The following RPS14 variants were observed in gnomAD, a reference collection of about 807,000 sequenced individuals.
RPS14 encodes small ribosomal subunit protein uS11.
Under a neutral mutation model 15.4 loss-of-function variants are expected in RPS14, and 1 was observed. The observed-to-expected ratio is 0.07, with a 90% confidence interval of 0.02 to 0.31. The LOEUF (loss-of-function observed/expected upper bound fraction) is 0.31. Ranked by LOEUF, RPS14 falls within the 10% of genes least tolerant of loss-of-function variation. RPS14 has a pLI of 1.00. For missense variants in RPS14, 69 were observed against 205.5 expected, an observed-to-expected ratio of 0.34 and a Z score of 4.06; for synonymous variants, 68 against 74.4, an observed-to-expected ratio of 0.91 and a Z score of 0.44.
intron 1 of RPS14, 175 bp from the exon 2 acceptor site, chr5:150,447,910 G>GT: frequency 1.5e-6 from 1 of 683,356 alleles, no homozygotes; most frequent in Non-Finnish European, 2.4e-6. Context: ...CTTGCACTTG[G>GT]GGGGGTATCA....
intron 1 of RPS14, chr5:150,449,366 G>A (rs1038797097): frequency 6.6e-6 from 1 of 152,214 alleles, no homozygotes; most frequent in African/African-American, 2.4e-5. Flanking sequence ...GTTTGGCGAG[G>A]TAGAGGCGGG....
At position 150,446,595 on chromosome 5, in the gene RPS14, G is replaced by C. The variant is rs995890656; in HGVS notation, c.311+207C>G. ...TCTGTTTCCCCATCACTCTCTTCTA[G>C]TACCTGAAACACAGCTCCTAGTATA... On this transcript the variant is annotated intron_variant, in intron 3 of 4. Transcript: ENST00000407193. This position sits in a 1 kb window ranked among gnomAD's most constrained non-coding sequence, Gnocchi z 4.2. Among the ~76,000 whole-genome samples, 8 of 152,168 alleles carry C rather than the reference G, an allele frequency of 5.3e-5. No individual in the cohort carries two copies. The highest frequency in any genetic ancestry group is 1.2e-4 in the Non-Finnish European group (8 of 68,032).
Position 150,443,173 on chromosome 5 carries a change from T to C in RPS14, c.*1113A>G, listed in dbSNP as rs1308337803. Reference sequence around the variant, plus strand: ...ATTTTTTTTGCAAGCTTTTTTTTTTTATTATACTTTAAGTTTTAGGGTACA... The same window carrying C: ...ATTTTTTTTGCAAGCTTTTTTTTTTCATTATACTTTAAGTTTTAGGGTACA... On this transcript the variant is annotated 3_prime_UTR_variant, in exon 5 of 5. Coordinates refer to ENST00000407193, the MANE Select transcript of RPS14 (RefSeq NM_005617.4). 1.6e-5 allele frequency: 2 copies of C among 125,382 alleles called. No homozygotes were observed. Among genetic ancestry groups the C allele is most frequent in the African/African-American group, 2.6e-5 (1 of 38,180 alleles). The allele number at this position is 125,382 out of a possible 1,614,324, so 7.8% of individuals were successfully genotyped here.
At chr5:150,447,941 T>G in intron 1 of RPS14, 1 of 555,370 alleles carries the variant, frequency 1.8e-6, no homozygotes, top group Non-Finnish European at 3.2e-6. Context: ...CATGGCAAAG[T>G]ACCATGAGAA....
At chr5:150,447,378 C>T (rs1771132067) in intron 2 of RPS14, 5 of 598,326 alleles carry the variant, frequency 8.4e-6, no homozygotes, top group Non-Finnish European at 1.5e-5. Context: ...GATTCAATGA[C>T]CATCACGCTG....
chr5:150,446,800 A>G lies in RPS14; in HGVS notation c.311+2T>C. The G allele has an allele frequency of 6.2e-7, 1 of 1,613,576 alleles. No individual in the cohort carries two copies. Among genetic ancestry groups the G allele is most frequent in the Non-Finnish European group, 8.5e-7 (1 of 1,179,728 alleles). ...CCCAGCCATCCCCTCTGCGACTCGT[A>G]CCTATTTCCTCCTGTGGCCCGGAGT... On this transcript the variant is annotated splice_donor_variant, in intron 3 of 4. Coordinates refer to ENST00000407193, the MANE Select transcript of RPS14 (RefSeq NM_005617.4). LOFTEE classifies it high-confidence loss of function. The surrounding 1 kb of genome is among the most constrained non-coding windows in gnomAD (Gnocchi z 4.2).
rs1771014995 is a variant in RPS14 at position 150,443,970 on chromosome 5, C to G, written c.*316G>C. ...GGCTCCTCTTTCGCTTCAGGCTACA[C>G]TTGGATCAACAGTTCCCACTCTGGC... is the stretch of plus-strand genomic sequence containing the variant. On this transcript the variant is annotated 3_prime_UTR_variant, in exon 5 of 5. Transcript: ENST00000407193. The G allele has an allele frequency of 5.2e-6, 1 of 193,418 alleles. No individual in the cohort carries two copies. The highest frequency in any genetic ancestry group is 1.1e-5 in the Non-Finnish European group (1 of 93,764). The allele number at this position is 193,418 out of a possible 1,614,324, so 12.0% of individuals were successfully genotyped here.
At position 150,446,728 on chromosome 5, in the gene RPS14, C is replaced by T. The variant is rs1771110114; in HGVS notation, c.311+74G>A. 1.3e-6 allele frequency: 2 copies of T among 1,531,020 alleles called. No individual in the cohort carries two copies. Among genetic ancestry groups the T allele is most frequent in the Admixed American group, 2.0e-5 (1 of 50,782 alleles). The allele number at this position is 1,531,020 out of a possible 1,614,324, so 94.8% of individuals were successfully genotyped here. Reference sequence around the variant, plus strand: ...CAAGGTCACAACAAAAAACCCAAACCTCAAATCCAGGTGCTCCAGCACCCA... The same window carrying T: ...CAAGGTCACAACAAAAAACCCAAACTTCAAATCCAGGTGCTCCAGCACCCA... On this transcript the variant is annotated intron_variant, in intron 3 of 4. Coordinates refer to ENST00000407193, the MANE Select transcript of RPS14 (RefSeq NM_005617.4). This position sits in a 1 kb window ranked among gnomAD's most constrained non-coding sequence, Gnocchi z 4.2.
Position 150,444,128 on chromosome 5 carries a change from C to T in RPS14, c.*158G>A. ...ATGGAAAAGACCCCAAATGCAGCAC[C>T]AGGATCTCAGCTCTCCTCAGGCTCC... On this transcript the variant is annotated 3_prime_UTR_variant, in exon 5 of 5. Coordinates refer to ENST00000407193, the MANE Select transcript of RPS14 (RefSeq NM_005617.4). 1 of 1,134,110 alleles carries T rather than the reference C, an allele frequency of 8.8e-7. No homozygotes were observed. Among genetic ancestry groups the T allele is most frequent in the South Asian group, 1.9e-5 (1 of 52,766 alleles). The allele number at this position is 1,134,110 out of a possible 1,614,324, so 70.3% of individuals were successfully genotyped here. A position where few individuals can be genotyped will look rare whatever the true frequency, so the allele number is the denominator to read the frequency against.
At chr5:150,449,073 A>G (rs79096446) in intron 1 of RPS14, 2,395 of 152,298 alleles carry the variant, frequency 0.016, 31 homozygotes, top group South Asian at 0.047. Context: ...AACATCCCCT[A>G]AAGTAACGAG....
At chr5:150,447,460 G>A (rs1771134334) in intron 2 of RPS14, 125 bp downstream of exon 2, 1 of 954,208 alleles carries the variant, frequency 1.0e-6, no homozygotes, top group African/African-American at 1.6e-5. Flanking sequence ...AAATGGACAA[G>A]CACATTTTCT....
In RPS14 at chr5:150,447,645, A is replaced by G. The variant is rs780510242; in HGVS notation, c.89T>C (p.Val30Ala). Residue 30 changes from valine to alanine, a missense_variant, in exon 2 of 5, where the codon GTC (valine) becomes GCC (alanine). Physicochemically the swap from Val to Ala is moderately conservative, Grantham distance 64. Transcript: ENST00000407193. ...ATTGAAGGATGCAAAGATATGGCAG[A>G]CACCAAATACATTCTCTCCTTCAGC... ...QVAEGENVFGVCHIFASFNDT... is the reference protein window; with the variant it reads ...QVAEGENVFGACHIFASFNDT... The G allele has an allele frequency of 1.2e-4, 189 of 1,614,048 alleles. 1 individual carries two copies. The South Asian group carries it at 1.5e-3, about 13-fold the overall frequency.
chr5:150,444,641 T>C, intron 4 of RPS14: 1 of 613,662 alleles, frequency 1.6e-6, no homozygotes, highest in Non-Finnish European at 3.0e-6. Context: ...CACCGTCTTC[T>C]CTAGAGGAAA....
Position 150,447,701 on chromosome 5 carries a change from T to C in RPS14, c.33A>G (p.Glu11=), listed in dbSNP as rs371422201. The C allele has an allele frequency of 8.3e-5, 134 of 1,614,014 alleles. No homozygotes were observed. The highest frequency in any genetic ancestry group is 1.1e-4 in the Non-Finnish European group (127 of 1,179,960). Residue 11 remains glutamate (E), a synonymous_variant, in exon 2 of 5, where the codon GAA becomes GAG. Transcript: ENST00000407193. MAPRKGKEKK[E]EQVISLGPQV... is the part of the protein sequence containing the mutation. ...GAGGTCCGAGGCTGATGACCTGTTC[T>C]TCCTTCTTTTCCTTCCCCTTTCGAG...
intron 4 of RPS14, among the ~76,000 whole-genome samples, chr5:150,444,910 T>G (rs932276713): frequency 6.6e-6 from 1 of 151,022 alleles, no homozygotes; most frequent in Non-Finnish European, 1.5e-5. Flanking sequence ...AGCTACTCAG[T>G]AGATGCAGGT....
At chr5:150,447,241 CTG>C in intron 2 of RPS14, 1 of 533,990 alleles carries the variant, frequency 1.9e-6, no homozygotes, top group Admixed American at 3.5e-5. Context: ...AACTCAGAAT[CTG>C]AGTGATTTCA....
At chr5:150,444,668 G>T in intron 4 of RPS14, 1 of 553,446 alleles carries the variant, frequency 1.8e-6, no homozygotes, top group Non-Finnish European at 3.4e-6. Flanking sequence ...TTTTAGACAG[G>T]GTAACTGCAA....
Position 150,444,125 on chromosome 5 carries a change from C to T in RPS14, c.*161G>A. The T allele has an allele frequency of 9.0e-7, 1 of 1,105,316 alleles. No homozygotes were observed. Among genetic ancestry groups the T allele is most frequent in the Non-Finnish European group, 1.2e-6 (1 of 818,668 alleles). 68.5% of individuals were successfully genotyped at this position (1,105,316 alleles called of 1,614,324 possible). A position where few individuals can be genotyped will look rare whatever the true frequency, so the allele number is the denominator to read the frequency against. On this transcript the variant is annotated 3_prime_UTR_variant, in exon 5 of 5. Transcript: ENST00000407193. Reference sequence around the variant, plus strand: ...AGCATGGAAAAGACCCCAAATGCAGCACCAGGATCTCAGCTCTCCTCAGGC... The same window carrying T: ...AGCATGGAAAAGACCCCAAATGCAGTACCAGGATCTCAGCTCTCCTCAGGC...
chr5:150,447,059 G>A (rs1179715483), intron 2 of RPS14, 96 bp from the exon 3 acceptor site: 3 of 1,436,860 alleles, frequency 2.1e-6, no homozygotes, highest in Non-Finnish European at 2.9e-6. Flanking sequence ...AGTCATGGTG[G>A]AGGATGATGG....
Sources: allele counts gnomAD v4.1 joint callset (sites outside exome capture counted in the v4.1 genomes callset), GRCh38; gene constraint gnomAD v4.1.1; non-coding constraint Gnocchi (gnomAD v3.1); transcripts MANE v1.5; gene names NCBI Gene and HGNC (gene_info 2026-07-23, HGNC 2026-07-21).